The following ASCC3 variants were observed in gnomAD, a reference collection of about 807,000 sequenced individuals.
The protein encoded by ASCC3 is activating signal cointegrator 1 complex subunit 3.
In ASCC3, 158 loss-of-function variants were observed where a neutral mutation model predicts 256.3. The ratio of observed to expected loss-of-function variants is 0.62; its 90% CI spans 0.54 to 0.70. The LOEUF (loss-of-function observed/expected upper bound fraction) is 0.70. Ranked by LOEUF, ASCC3 falls within the 30% of genes least tolerant of loss-of-function variation. The probability of loss-of-function intolerance (pLI) is 0.00; values close to 1 mark genes in which losing one functional copy is unlikely to be tolerated. For synonymous variants in ASCC3, 948 were observed against 883.4 expected, an observed-to-expected ratio of 1.07 and a Z score of -1.30; for missense variants, 2,259 against 2,626.0, an observed-to-expected ratio of 0.86 and a Z score of 3.05.
At chr6:100,742,298 G>A (rs1780473594) in intron 10 of ASCC3, among the ~76,000 whole-genome samples, 1 of 151,994 alleles carries the variant, frequency 6.6e-6, no homozygotes, top group Non-Finnish European at 1.5e-5. Context: ...CGTGCCTGAA[G>A]GAGGTGGCTG....
At chr6:100,767,417 A>G in intron 8 of ASCC3, 72 bp from the exon 9 acceptor site, 1 of 1,432,868 alleles carries the variant, frequency 7.0e-7, no homozygotes, top group Non-Finnish European at 9.8e-7. Context: ...TTATGTGTTA[A>G]CATTTATTTC....
chr6:100,509,504 T>A lies in ASCC3; in HGVS notation c.6491A>T (p.Asp2164Val), dbSNP rs754391819. The A allele has an allele frequency of 6.2e-7, 1 of 1,613,712 alleles. No homozygotes were observed. Among genetic ancestry groups the A allele is most frequent in the South Asian group, 1.1e-5 (1 of 91,072 alleles). The change falls in exon 42 of 42, where the codon GAC becomes GTC. Residue 2164 changes from aspartate (D) to valine (V), a missense_variant. Physicochemically the swap from Asp to Val is radical, Grantham distance 152. This residue lies in a region of ASCC3 where 1,839 missense variants were observed against 2,206.7 expected (regional missense o/e 0.83). Transcript: ENST00000369162. ...CTGCTGGTCCAGGCCAAGGTAGCAG[T>A]CACTCATGAAATATAATGTGTAGAT... ...RYIYTLYFMS[D>V]CYLGLDQQYD...
Position 100,730,120 on chromosome 6 carries a change from T to C in ASCC3, c.1738-4417A>G, listed in dbSNP as rs188122160. 3.7e-4 allele frequency among the ~76,000 whole-genome samples: 56 copies of C among 151,588 alleles called. 1 individual carries two copies. The highest frequency in any genetic ancestry group is 1.3e-3 in the African/African-American group (55 of 41,304). On this transcript the variant is annotated intron_variant, in intron 10 of 41. Transcript: ENST00000369162. ...AGGAGTTTGACACCAGCCTGTGCAG[T>C]ACGGTGAGACCTCGCCTCCAGAAAA...
At chr6:100,746,651 A>C (rs1780694847) in intron 10 of ASCC3, among the ~76,000 whole-genome samples, 1 of 152,008 alleles carries the variant, frequency 6.6e-6, no homozygotes, top group African/African-American at 2.4e-5. Flanking sequence ...ACAAGGTAAA[A>C]TTATATAGTA....
intron 5 of ASCC3, among the ~76,000 whole-genome samples, chr6:100,802,228 T>A (rs1220789009): frequency 6.6e-6 from 1 of 151,954 alleles, no homozygotes; most frequent in Non-Finnish European, 1.5e-5. Context: ...GAAACTGACA[T>A]GCAAAAATGA....
chr6:100,614,558 A>G (rs1023261199), intron 30 of ASCC3, among the ~76,000 whole-genome samples: 3 of 152,194 alleles, frequency 2.0e-5, no homozygotes, highest in Non-Finnish European at 4.4e-5. Flanking sequence ...GCAGAGATTA[A>G]TCCTACCAAG....
intron 10 of ASCC3, 93 bp from the exon 11 acceptor site, chr6:100,725,796 T>G: frequency 1.5e-6 from 2 of 1,294,648 alleles, no homozygotes; most frequent in Non-Finnish European, 2.2e-6. Context: ...TGGCCACCTC[T>G]ACATAAATCA....
chr6:100,547,554 G>A (rs1267896082), intron 36 of ASCC3, among the ~76,000 whole-genome samples: 1 of 151,926 alleles, frequency 6.6e-6, no homozygotes, highest in Non-Finnish European at 1.5e-5. Context: ...GATTTTAACA[G>A]ATACTTTATG....
At chr6:100,878,321 A>G (rs2114579098) in intron 1 of ASCC3, among the ~76,000 whole-genome samples, 1 of 152,330 alleles carries the variant, frequency 6.6e-6, no homozygotes, top group East Asian at 1.9e-4. Flanking sequence ...TAGGTTTCCC[A>G]TTCAAAGGTG....
intron 4 of ASCC3, among the ~76,000 whole-genome samples, chr6:100,847,220 AACT>A (rs1772426648): frequency 2.0e-5 from 3 of 152,188 alleles, no homozygotes; most frequent in Admixed American, 6.5e-5. Flanking sequence ...ATAATTGGAT[AACT>A]ACTATGTATT....
chr6:100,832,171 GGATTATAGAAAT>G (rs1413555011), intron 4 of ASCC3, among the ~76,000 whole-genome samples: 1 of 151,986 alleles, frequency 6.6e-6, no homozygotes, highest in Non-Finnish European at 1.5e-5. Flanking sequence ...GAATGTTCTA[GGATTATAGAAAT>G]GATTATAGAA....
chr6:100,738,863 A>G (rs959005491), intron 10 of ASCC3, among the ~76,000 whole-genome samples: 1 of 152,190 alleles, frequency 6.6e-6, no homozygotes, highest in African/African-American at 2.4e-5. Flanking sequence ...GGTTTTCTAG[A>G]TAAAGGATCA....
intron 16 of ASCC3, among the ~76,000 whole-genome samples, chr6:100,657,749 A>G (rs1775984716): frequency 2.0e-5 from 3 of 151,452 alleles, no homozygotes; most frequent in Admixed American, 2.0e-4. Context: ...TAGGTAGCAA[A>G]GATTCGATCA....
intron 4 of ASCC3, among the ~76,000 whole-genome samples, chr6:100,815,102 CT>C (rs1770675669): frequency 6.6e-6 from 1 of 152,068 alleles, no homozygotes; most frequent in African/African-American, 2.4e-5. Flanking sequence ...ACAAAAATAA[CT>C]AGCATTCCTA....
At chr6:100,626,607 T>C (rs1774250188) in intron 29 of ASCC3, among the ~76,000 whole-genome samples, 1 of 152,092 alleles carries the variant, frequency 6.6e-6, no homozygotes, top group African/African-American at 2.4e-5. Flanking sequence ...CATATAGATA[T>C]ATGCAATTTC....
chr6:100,644,182 A>G (rs541204859), intron 22 of ASCC3, 53 bp from the exon 23 acceptor site: 1 of 1,162,086 alleles, frequency 8.6e-7, no homozygotes, highest in African/African-American at 1.5e-5. Flanking sequence ...CAAATAAGGG[A>G]TAGCATCCAA....
intron 36 of ASCC3, among the ~76,000 whole-genome samples, chr6:100,584,885 T>C (rs999130704): frequency 1.3e-5 from 2 of 152,088 alleles, no homozygotes; most frequent in East Asian, 3.9e-4. Flanking sequence ...TGAAAATTCT[T>C]TTAAGAATGT....
chr6:100,672,824 C>T (rs919898129), intron 14 of ASCC3, among the ~76,000 whole-genome samples: 5 of 151,986 alleles, frequency 3.3e-5, no homozygotes, highest in African/African-American at 1.2e-4. Context: ...ATAACTGATA[C>T]ATGTGTCTAC....
In ASCC3 at chr6:100,530,783, A is replaced by T. The variant is rs1015269903; in HGVS notation, c.5775+9380T>A. 11 of 1,042,000 alleles carry T rather than the reference A, an allele frequency of 1.1e-5. No homozygotes were observed. The Admixed American group carries it at 1.4e-4, about 13-fold the overall frequency. The allele number at this position is 1,042,000 out of a possible 1,614,324, so 64.5% of individuals were successfully genotyped here. The stretch of plus-strand genomic sequence containing the variant: ...CTTTTAATTTTGCAAAGAATCCAAG[A>T]CAAAAAGGATTAGATCTAGAAATGG... On this transcript the variant is annotated intron_variant, in intron 37 of 41. Transcript: ENST00000369162.
Sources: allele counts gnomAD v4.1 joint callset (sites outside exome capture counted in the v4.1 genomes callset), GRCh38; gene constraint gnomAD v4.1.1; regional missense constraint gnomAD v4.1.1; transcripts MANE v1.5; gene names NCBI Gene and HGNC (gene_info 2026-07-23, HGNC 2026-07-21).